Variants in HELQ observed in about 807,000 individuals in gnomAD.
The protein encoded by HELQ is helicase, POLQ like.
A neutral mutation model predicts 111.6 loss-of-function variants in HELQ; 77 were observed. That is an observed-to-expected ratio of 0.69 (90% CI 0.57 to 0.83). The LOEUF is 0.83. HELQ is among the 40% of genes least tolerant of loss of function. The pLI, the probability that HELQ is intolerant of heterozygous loss-of-function variation, is 0.00. For missense variants in HELQ, 1,200 were observed against 1,288.5 expected, an observed-to-expected ratio of 0.93 and a Z score of 1.05; for synonymous variants, 438 against 454.7, an observed-to-expected ratio of 0.96 and a Z score of 0.47.
Position 83,453,477 on chromosome 4 carries a change from T to TA in HELQ, c.765dup (p.Ser256Ter). Reference sequence around the variant, plus strand: ...CTTTTTCTCCTGTTCATATCTGAACTAGTTCTGACTTTGGAAGAGGACTCA... The same window carrying TA: ...CTTTTTCTCCTGTTCATATCTGAACTAAGTTCTGACTTTGGAAGAGGACTCA... On this transcript the variant is annotated frameshift_variant, in exon 2 of 18. Coordinates refer to ENST00000295488, the MANE Select transcript of HELQ (RefSeq NM_133636.5). LOFTEE classifies it high-confidence loss of function. 1 of 1,612,054 alleles carries TA rather than the reference T, an allele frequency of 6.2e-7. No homozygotes were observed. Among genetic ancestry groups the TA allele is most frequent in the Non-Finnish European group, 8.5e-7 (1 of 1,179,522 alleles).
intron 9 of HELQ, among the ~76,000 whole-genome samples, chr4:83,434,834 A>G (rs1285424424): frequency 1.3e-5 from 2 of 152,210 alleles, no homozygotes; most frequent in Non-Finnish European, 2.9e-5. Context: ...AAAAATGTGT[A>G]AGAAAAGAGA....
intron 17 of HELQ, among the ~76,000 whole-genome samples, chr4:83,415,339 A>T (rs999925911): frequency 6.6e-6 from 1 of 152,240 alleles, no homozygotes; most frequent in Non-Finnish European, 1.5e-5. Context: ...TGTGAAAAAC[A>T]GCATACAAAC....
chr4:83,413,233 G>A (rs1018095898), intron 17 of HELQ, among the ~76,000 whole-genome samples: 1 of 152,156 alleles, frequency 6.6e-6, no homozygotes, highest in Non-Finnish European at 1.5e-5. Context: ...ACCCAGAGAA[G>A]AGGTTGAGGG....
At chr4:83,421,522 G>A (rs1346446566) in intron 15 of HELQ, 41 bp downstream of exon 15, 1 of 1,495,062 alleles carries the variant, frequency 6.7e-7, no homozygotes, top group Non-Finnish European at 9.2e-7. Context: ...GTTAAAACCA[G>A]AAGATGCACA....
intron 14 of HELQ, among the ~76,000 whole-genome samples, chr4:83,424,273 T>C (rs80150402): frequency 0.012 from 1,768 of 152,320 alleles, 28 homozygotes; most frequent in African/African-American, 0.041. Context: ...TTAATGATAT[T>C]GTTTTTATTT....
intron 8 of HELQ, among the ~76,000 whole-genome samples, chr4:83,437,457 C>T (rs1001594190): frequency 2.0e-5 from 3 of 151,802 alleles, no homozygotes; most frequent in African/African-American, 7.3e-5. Context: ...CAAAAAATAA[C>T]AAAAATTAGC....
intron 16 of HELQ, among the ~76,000 whole-genome samples, chr4:83,417,370 T>A (rs1391557040): frequency 6.6e-6 from 1 of 152,034 alleles, no homozygotes; most frequent in East Asian, 1.9e-4. Flanking sequence ...ACTTGGCTAA[T>A]TTTTGTATTT....
chr4:83,451,962 T>C (rs1333011480), intron 2 of HELQ, among the ~76,000 whole-genome samples: 3 of 152,226 alleles, frequency 2.0e-5, no homozygotes, highest in Non-Finnish European at 2.9e-5. Context: ...ATATCATTCA[T>C]AAGATCCTAA....
chr4:83,436,073 T>C (rs1182254363), intron 9 of HELQ, among the ~76,000 whole-genome samples: 1 of 152,114 alleles, frequency 6.6e-6, no homozygotes, highest in Non-Finnish European at 1.5e-5. Context: ...CAATAAGATA[T>C]TTGAAGTAAA....
Position 83,453,439 on chromosome 4 carries a change from A to G in HELQ, c.804T>C (p.His268=). The change falls in exon 2 of 18, where the codon CAT becomes CAC. Residue 268 remains histidine (H), a synonymous_variant. Transcript: ENST00000295488. ...CATTTCCAGTCATGGCATTTTTTAGATGATCTTTAATACTTTTTCTCCTGT... is the reference window on the plus strand; with the variant it reads ...CATTTCCAGTCATGGCATTTTTTAGGTGATCTTTAATACTTTTTCTCCTGT... ...DMNRRKSIKD[H]LKNAMTGNAK... The G allele has an allele frequency of 1.2e-6, 2 of 1,602,094 alleles. No individual in the cohort carries two copies. Among genetic ancestry groups the G allele is most frequent in the South Asian group, 1.1e-5 (1 of 88,526 alleles).
At chr4:83,424,492 T>C (rs965886247) in intron 14 of HELQ, among the ~76,000 whole-genome samples, 2 of 152,234 alleles carry the variant, frequency 1.3e-5, no homozygotes, top group Non-Finnish European at 2.9e-5. Flanking sequence ...AACTCCTGAG[T>C]ACAAGCAAAT....
At chr4:83,425,488 T>G (rs1719800846) in intron 14 of HELQ, among the ~76,000 whole-genome samples, 1 of 152,216 alleles carries the variant, frequency 6.6e-6, no homozygotes, top group Non-Finnish European at 1.5e-5. Flanking sequence ...ACTTGCTTCA[T>G]GCCTGCAGAC....
chr4:83,424,921 A>T (rs553681809), intron 14 of HELQ, among the ~76,000 whole-genome samples: 46 of 152,274 alleles, frequency 3.0e-4, no homozygotes, highest in Non-Finnish European at 5.7e-4. Flanking sequence ...GTGTATGTAA[A>T]CATCATCTTC....
intron 16 of HELQ, among the ~76,000 whole-genome samples, chr4:83,417,136 T>A (rs980110914): frequency 1.3e-5 from 2 of 152,086 alleles, no homozygotes; most frequent in African/African-American, 2.4e-5. Flanking sequence ...GTTGGTGGCA[T>A]CATCTCATAT....
At chr4:83,439,702 A>G (rs975665670) in intron 8 of HELQ, among the ~76,000 whole-genome samples, 161 bp downstream of exon 8, 33 of 152,176 alleles carry the variant, frequency 2.2e-4, no homozygotes, top group African/African-American at 7.5e-4. Flanking sequence ...GTGATTTTTC[A>G]CAGTTAAAAT....
intron 17 of HELQ, among the ~76,000 whole-genome samples, chr4:83,415,156 T>G (rs1320088414): frequency 6.6e-6 from 1 of 152,048 alleles, no homozygotes; most frequent in Admixed American, 6.6e-5. Context: ...GGAAACAATC[T>G]CAAATTGCTG....
chr4:83,434,042 A>G (rs1276674240), intron 9 of HELQ, among the ~76,000 whole-genome samples: 1 of 151,984 alleles, frequency 6.6e-6, no homozygotes, highest in African/African-American at 2.4e-5. Flanking sequence ...AGTTCTTAGA[A>G]ATAAAAAAAA....
intron 7 of HELQ, among the ~76,000 whole-genome samples, chr4:83,440,836 T>G (rs1422370069): frequency 6.6e-6 from 1 of 152,172 alleles, no homozygotes. Context: ...AATAGTGAGG[T>G]CCAAACAACT....
chr4:83,418,357 G>C (rs559906335), intron 15 of HELQ, 151 bp from the exon 16 acceptor site: 1 of 447,116 alleles, frequency 2.2e-6, no homozygotes, highest in Admixed American at 4.1e-5. Context: ...AAGCAAAACA[G>C]ATGTGAAGAA....
Sources: allele counts gnomAD v4.1 joint callset (sites outside exome capture counted in the v4.1 genomes callset), GRCh38; gene constraint gnomAD v4.1.1; transcripts MANE v1.5; gene names NCBI Gene and HGNC (gene_info 2026-07-23, HGNC 2026-07-21).